PEX5L: variants seen among roughly 807,000 people sequenced by gnomAD.
PEX5L encodes peroxisomal biogenesis factor 5 like.
PEX5L carries 30 observed loss-of-function variants against 84.0 expected under a neutral mutation model. The ratio of observed to expected loss-of-function variants is 0.36; its 90% CI spans 0.27 to 0.48. The LOEUF (loss-of-function observed/expected upper bound fraction) is 0.48, where lower values mean the gene tolerates loss of function less well. Among genes scored for constraint, PEX5L ranks in the 20% least tolerant of loss-of-function variants. The probability of loss-of-function intolerance (pLI) is 0.99; values close to 1 mark genes in which losing one functional copy is unlikely to be tolerated. For synonymous variants in PEX5L, 270 were observed against 283.1 expected, an observed-to-expected ratio of 0.95 and a Z score of 0.46; for missense variants, 533 against 754.6, an observed-to-expected ratio of 0.71 and a Z score of 3.44.
chr3:179,890,975 T>A (rs941976263), intron 3 of PEX5L, among the ~76,000 whole-genome samples: 1 of 152,080 alleles, frequency 6.6e-6, no homozygotes, highest in African/African-American at 2.4e-5. Flanking sequence ...AAATTTTTTT[T>A]TTTTTTTTTG....
chr3:180,004,803 C>T (rs930015487), intron 1 of PEX5L, among the ~76,000 whole-genome samples: 1 of 151,560 alleles, frequency 6.6e-6, no homozygotes, highest in Non-Finnish European at 1.5e-5. Context: ...TTAGACCAAG[C>T]AGAATATCTA....
chr3:179,887,881 C>A, intron 3 of PEX5L, 97 bp from the exon 4 acceptor site: 1 of 817,818 alleles, frequency 1.2e-6, no homozygotes, highest in Non-Finnish European at 2.0e-6. Flanking sequence ...AATAGCAAGC[C>A]TACCAAAAAT....
intron 1 of PEX5L, chr3:179,973,422 A>T (rs1579174851): frequency 1.8e-6 from 2 of 1,113,998 alleles, no homozygotes; most frequent in East Asian, 1.4e-4. Context: ...AGCACAAAAA[A>T]CTCACTGAAA....
At chr3:179,813,438 G>A (rs1018874745) in intron 10 of PEX5L, among the ~76,000 whole-genome samples, 20 of 152,050 alleles carry the variant, frequency 1.3e-4, no homozygotes, top group Admixed American at 2.0e-4. Context: ...TTATTTTTAG[G>A]GGGTGGCCTA....
chr3:179,979,388 T>A (rs1478114003), intron 1 of PEX5L, among the ~76,000 whole-genome samples: 1 of 152,220 alleles, frequency 6.6e-6, no homozygotes, highest in Non-Finnish European at 1.5e-5. Context: ...GTGACCAATA[T>A]GTAAAAAATT....
At chr3:179,927,742 A>C (rs1315832532) in intron 2 of PEX5L, among the ~76,000 whole-genome samples, 1 of 152,130 alleles carries the variant, frequency 6.6e-6, no homozygotes, top group Non-Finnish European at 1.5e-5. Context: ...GCCCTTCACC[A>C]TCGTTTGTGT....
intron 7 of PEX5L, among the ~76,000 whole-genome samples, chr3:179,863,332 G>C (rs1037510720): frequency 1.3e-5 from 2 of 151,150 alleles, no homozygotes; most frequent in African/African-American, 4.8e-5. Context: ...AGCAAAATAG[G>C]CAAGTGGAAT....
chr3:180,003,127 C>T (rs1376968953), intron 1 of PEX5L, among the ~76,000 whole-genome samples: 2 of 152,144 alleles, frequency 1.3e-5, no homozygotes, highest in Non-Finnish European at 1.5e-5. Context: ...TAGAGCCTGA[C>T]TTCAAATACC....
chr3:179,905,070 C>T (rs1457691166), intron 2 of PEX5L, among the ~76,000 whole-genome samples: 1 of 152,186 alleles, frequency 6.6e-6, no homozygotes, highest in Non-Finnish European at 1.5e-5. Flanking sequence ...ATTGCATGTG[C>T]TCAAACAGCA....
At chr3:180,010,696 T>C (rs1402499919) in intron 1 of PEX5L, among the ~76,000 whole-genome samples, 2 of 151,856 alleles carry the variant, frequency 1.3e-5, no homozygotes, top group African/African-American at 4.8e-5. Context: ...TTCCTTCTCA[T>C]CTAGTATCAA....
In PEX5L at chr3:179,874,369, G is replaced by A. The variant is rs570257219; in HGVS notation, c.684C>T (p.Asn228=). The A allele has an allele frequency of 6.0e-5, 97 of 1,612,938 alleles. No individual in the cohort carries two copies. In the South Asian group the frequency reaches 1.0e-3, roughly 17 times the overall value. The stretch of plus-strand genomic sequence containing the variant: ...ATTCCAATTCTGAAGCCGACTCAGA[G>A]TTGAGGGCGCTTTTTCCACCACTCA... ...PELSGGKSAL[N]SESASELELV... The change falls in exon 7 of 15, where the codon AAC becomes AAT. Residue 228 remains asparagine, a synonymous_variant. Transcript: ENST00000467460.
At chr3:179,912,463 T>C (rs1419565442) in intron 2 of PEX5L, among the ~76,000 whole-genome samples, 1 of 152,098 alleles carries the variant, frequency 6.6e-6, no homozygotes, top group Non-Finnish European at 1.5e-5. Context: ...AGATGTTATA[T>C]GTACAAAAAA....
At chr3:180,004,586 TTTTTGTTTTG>T (rs929976326) in intron 1 of PEX5L, among the ~76,000 whole-genome samples, 1 of 152,120 alleles carries the variant, frequency 6.6e-6, no homozygotes, top group Non-Finnish European at 1.5e-5. Context: ...TAATTTATTG[TTTTTGTTTTG>T]TTTTGTTTTG....
At position 179,965,871 on chromosome 3, in the gene PEX5L, AAC is replaced by A. The variant is rs1296962179; in HGVS notation, c.93+5721_93+5722del. ...ACAAATAGAGAATATTTAGGAATAA[AAC>A]ACAGGGTGATTATGCTTTCACTCTA... On this transcript the variant is annotated intron_variant, in intron 2 of 14. Coordinates refer to ENST00000467460, the MANE Select transcript of PEX5L (RefSeq NM_016559.3). 2.6e-5 allele frequency among the ~76,000 whole-genome samples: 4 copies of A among 152,188 alleles called. No individual in the cohort carries two copies. The East Asian group carries it at 7.7e-4, about 29-fold the overall frequency.
chr3:179,841,510 A>G (rs1240158503), intron 8 of PEX5L, among the ~76,000 whole-genome samples: 1 of 152,074 alleles, frequency 6.6e-6, no homozygotes, highest in Non-Finnish European at 1.5e-5. Flanking sequence ...AATTATCTTT[A>G]TTTTCTACCA....
At chr3:179,853,284 GC>G (rs1742638657) in intron 8 of PEX5L, among the ~76,000 whole-genome samples, 1 of 152,234 alleles carries the variant, frequency 6.6e-6, no homozygotes, top group African/African-American at 2.4e-5. Flanking sequence ...TGAATGTGTT[GC>G]TAAATCCAAT....
chr3:179,956,153 G>A (rs1780498414), intron 2 of PEX5L, among the ~76,000 whole-genome samples: 1 of 152,162 alleles, frequency 6.6e-6, no homozygotes, highest in South Asian at 2.1e-4. Flanking sequence ...TGATAGGGAA[G>A]TCAAGGCTTA....
intron 1 of PEX5L, among the ~76,000 whole-genome samples, chr3:180,002,068 A>G (rs1788472228): frequency 6.6e-6 from 1 of 152,106 alleles, no homozygotes; most frequent in South Asian, 2.1e-4. Context: ...TCATAGCTCT[A>G]TTTCATTCTT....
rs1577125463 is a variant in PEX5L, at chr3:179,808,258, C to T, written c.1518+14G>A. ...GAGAACGCTGTGGTTTCTTGCTGTG[C>T]TGTGCTGTCTTACCTCTGGCCGAAC... On this transcript the variant is annotated intron_variant, in intron 13 of 14. Coordinates refer to ENST00000467460, the MANE Select transcript of PEX5L (RefSeq NM_016559.3). 4 of 1,537,948 alleles carry T rather than the reference C, an allele frequency of 2.6e-6. No individual in the cohort carries two copies. The highest frequency in any genetic ancestry group is 3.5e-6 in the Non-Finnish European group (4 of 1,144,890).
Sources: gnomAD v4.1 joint callset for allele counts (sites outside exome capture counted in the v4.1 genomes callset) on GRCh38, gnomAD v4.1.1 for gene constraint, MANE v1.5 for transcripts, NCBI Gene and HGNC (gene_info 2026-07-23, HGNC 2026-07-21) for gene names.